NEGR1: variants seen among roughly 807,000 people sequenced by gnomAD.
The protein encoded by NEGR1 is IgLON family member 4.
A neutral mutation model predicts 40.9 loss-of-function variants in NEGR1; 10 were observed. The ratio of observed to expected loss-of-function variants is 0.24; its 90% CI spans 0.15 to 0.42. The LOEUF is 0.42. NEGR1 is among the 10% of genes least tolerant of loss of function. NEGR1 has a pLI of 1.00. For synonymous variants in NEGR1, 185 were observed against 166.8 expected, an observed-to-expected ratio of 1.11 and a Z score of -0.84; for missense variants, 352 against 438.9, an observed-to-expected ratio of 0.80 and a Z score of 1.77.
intron 1 of NEGR1, among the ~76,000 whole-genome samples, chr1:72,049,399 T>C (rs1195109203): frequency 2.0e-5 from 3 of 151,560 alleles, no homozygotes; most frequent in African/African-American, 4.8e-5. Context: ...AGAAAGAATC[T>C]GAGGATGTTT....
rs989932266 is a variant in NEGR1 at position 72,278,562 on chromosome 1, A to T, written c.176+3757T>A. ...AAGTGACTGCAAAATGATTTTTTTAAGTCTCCTGAAATTTATGTATTGTTC... is the reference window on the plus strand; with the variant it reads ...AAGTGACTGCAAAATGATTTTTTTATGTCTCCTGAAATTTATGTATTGTTC... On this transcript the variant is annotated intron_variant, in intron 1 of 6. Transcript: ENST00000357731. Among the ~76,000 whole-genome samples the T allele has an allele frequency of 5.9e-5, 9 of 152,188 alleles. No homozygotes were observed. The South Asian group carries it at 1.9e-3, about 32-fold the overall frequency.
At chr1:71,430,960 C>T (rs1437048928) in intron 6 of NEGR1, among the ~76,000 whole-genome samples, 3 of 152,044 alleles carry the variant, frequency 2.0e-5, no homozygotes, top group Non-Finnish European at 2.9e-5. Context: ...AGGGTTTCAC[C>T]GTGGTCTCGA....
intron 1 of NEGR1, among the ~76,000 whole-genome samples, chr1:71,962,775 T>C (rs1324426392): frequency 6.6e-6 from 1 of 151,954 alleles, no homozygotes; most frequent in Non-Finnish European, 1.5e-5. Flanking sequence ...TCCAAGTTTT[T>C]TTTTTTTTCT....
chr1:71,496,642 A>T (rs1228974681), intron 6 of NEGR1, among the ~76,000 whole-genome samples: 2 of 151,996 alleles, frequency 1.3e-5, no homozygotes, highest in Admixed American at 6.6e-5. Flanking sequence ...AAACATCTCA[A>T]ATAGGCATCC....
intron 1 of NEGR1, among the ~76,000 whole-genome samples, chr1:72,032,754 A>T (rs1646870206): frequency 6.6e-6 from 1 of 152,198 alleles, no homozygotes; most frequent in Non-Finnish European, 1.5e-5. Flanking sequence ...ATAGCAGCAG[A>T]GACTGAGAAA....
chr1:72,275,190 A>G (rs950280017), intron 1 of NEGR1: 15 of 611,864 alleles, frequency 2.5e-5, no homozygotes, highest in South Asian at 1.6e-4. Flanking sequence ...AAAGAAAAAC[A>G]GAAAATACAT....
At chr1:71,803,261 A>G (rs1220702155) in intron 2 of NEGR1, among the ~76,000 whole-genome samples, 1 of 152,140 alleles carries the variant, frequency 6.6e-6, no homozygotes, top group Non-Finnish European at 1.5e-5. Flanking sequence ...CCATGTGAGG[A>G]CACAACCAGA....
At chr1:71,803,135 C>T (rs962275367) in intron 2 of NEGR1, among the ~76,000 whole-genome samples, 1 of 152,048 alleles carries the variant, frequency 6.6e-6, no homozygotes, top group Non-Finnish European at 1.5e-5. Flanking sequence ...AAGGAGGTAA[C>T]TAACGTTAAA....
intron 4 of NEGR1, among the ~76,000 whole-genome samples, chr1:71,626,884 T>C (rs143100710): frequency 6.6e-6 from 1 of 152,008 alleles, no homozygotes; most frequent in South Asian, 2.1e-4. Context: ...AGCCAAAAGA[T>C]ACATGAAAAA....
At chr1:71,413,460 T>C (rs977728561) in intron 6 of NEGR1, among the ~76,000 whole-genome samples, 3 of 152,236 alleles carry the variant, frequency 2.0e-5, no homozygotes, top group Non-Finnish European at 4.4e-5. Flanking sequence ...AAAGATGTCT[T>C]TCATTTTTGC....
chr1:72,051,631 G>T (rs2100477100), intron 1 of NEGR1, among the ~76,000 whole-genome samples: 1 of 151,588 alleles, frequency 6.6e-6, no homozygotes, highest in South Asian at 2.1e-4. Flanking sequence ...AACTTAGCTT[G>T]GAAGGGAAGG....
intron 1 of NEGR1, among the ~76,000 whole-genome samples, chr1:72,237,765 G>C (rs1406407782): frequency 6.6e-6 from 1 of 151,868 alleles, no homozygotes; most frequent in East Asian, 1.9e-4. Flanking sequence ...GGGAAGCTGG[G>C]TGGTATAGAA....
intron 6 of NEGR1, among the ~76,000 whole-genome samples, chr1:71,587,069 C>T (rs1336307593): frequency 6.6e-6 from 1 of 152,054 alleles, no homozygotes; most frequent in Non-Finnish European, 1.5e-5. Context: ...ACCCCATCTC[C>T]TTTAAGTTGC....
At chr1:71,473,638 A>G (rs1479589617) in intron 6 of NEGR1, among the ~76,000 whole-genome samples, 1 of 152,092 alleles carries the variant, frequency 6.6e-6, no homozygotes, top group East Asian at 1.9e-4. Context: ...TATTGAGAAC[A>G]TATATTTTGT....
At chr1:71,427,003 A>C (rs1344056772) in intron 6 of NEGR1, among the ~76,000 whole-genome samples, 1 of 152,148 alleles carries the variant, frequency 6.6e-6, no homozygotes, top group Admixed American at 6.6e-5. Flanking sequence ...TCTATATTTT[A>C]GCTTTCACTG....
intron 6 of NEGR1, among the ~76,000 whole-genome samples, chr1:71,450,398 A>G (rs1010038651): frequency 6.6e-6 from 1 of 152,210 alleles, no homozygotes; most frequent in African/African-American, 2.4e-5. Flanking sequence ...CTATCATTTA[A>G]ATCGTAAATA....
At chr1:71,430,650 T>A (rs1646459460) in intron 6 of NEGR1, among the ~76,000 whole-genome samples, 1 of 147,246 alleles carries the variant, frequency 6.8e-6, no homozygotes, top group Non-Finnish European at 1.5e-5. Context: ...GTCTTATAGC[T>A]TTTTTTTAAA....
chr1:71,580,809 G>A (rs1181924651), intron 6 of NEGR1, among the ~76,000 whole-genome samples: 2 of 152,126 alleles, frequency 1.3e-5, no homozygotes, highest in East Asian at 1.9e-4. Context: ...GAAGATAAGT[G>A]AGGTTATGTA....
chr1:71,923,393 A>ACC lies in NEGR1; in HGVS notation c.409+11685_409+11686insGG, dbSNP rs1645738982. Among the ~76,000 whole-genome samples the ACC allele has an allele frequency of 3.9e-5, 6 of 151,984 alleles. No individual in the cohort carries two copies. The South Asian group carries it at 1.0e-3, about 26-fold the overall frequency. On this transcript the variant is annotated intron_variant, in intron 2 of 6. Transcript: ENST00000357731. ...CACTCTCTCTCTCTCTCTCACACAC[A>ACC]CACACACACTCACATGGCCAAAATG...
Sources: allele counts gnomAD v4.1 joint callset (sites outside exome capture counted in the v4.1 genomes callset), GRCh38; gene constraint gnomAD v4.1.1; transcripts MANE v1.5; gene names NCBI Gene and HGNC (gene_info 2026-07-23, HGNC 2026-07-21).